CFAP20DC: variants seen among roughly 807,000 people sequenced by gnomAD.
The protein encoded by CFAP20DC is CFAP20 domain containing.
A neutral mutation model predicts 101.7 loss-of-function variants in CFAP20DC; 84 were observed. The ratio of observed to expected loss-of-function variants is 0.83; its 90% confidence interval spans 0.69 to 0.99. The LOEUF (loss-of-function observed/expected upper bound fraction) is 0.99, where lower values mean the gene tolerates loss of function less well. Ranked by LOEUF, CFAP20DC falls within the 50% of genes least tolerant of loss-of-function variation. The pLI is 0.00. For synonymous variants in CFAP20DC, 359 were observed against 351.2 expected (o/e 1.02, Z -0.25); for missense variants, 1,007 against 970.3 (o/e 1.04, Z -0.50).
chr3:58,984,905 CT>C (rs1190365461), intron 4 of CFAP20DC, among the ~76,000 whole-genome samples: 1 of 151,976 alleles, frequency 6.6e-6, no homozygotes, highest in East Asian at 1.9e-4. Context: ...ATTTTGGTTA[CT>C]TTTTTTGGGG....
intron 15 of CFAP20DC, chr3:58,794,415 C>G: frequency 2.3e-6 from 1 of 435,990 alleles, no homozygotes; most frequent in Non-Finnish European, 4.7e-6. Context: ...AGATGTTTGC[C>G]TTTTTGCCTT....
intron 15 of CFAP20DC, among the ~76,000 whole-genome samples, chr3:58,773,004 AT>A (rs2070993497): frequency 2.0e-5 from 3 of 151,148 alleles, no homozygotes; most frequent in Admixed American, 6.6e-5. Flanking sequence ...TGCTGGTTGA[AT>A]TTTTTTTACT....
intron 4 of CFAP20DC, among the ~76,000 whole-genome samples, chr3:58,944,414 C>A (rs2089062612): frequency 6.6e-6 from 1 of 152,130 alleles, no homozygotes; most frequent in Non-Finnish European, 1.5e-5. Context: ...AATTACCAGC[C>A]CATGGATATA....
intron 4 of CFAP20DC, among the ~76,000 whole-genome samples, chr3:58,955,363 G>A (rs971745663): frequency 2.0e-5 from 3 of 152,256 alleles, no homozygotes; most frequent in East Asian, 3.9e-4. Context: ...CCCCATGTTC[G>A]GTTGTGGCAG....
At position 59,049,845 on chromosome 3, in the gene CFAP20DC, C is replaced by CA. The variant is rs1392163326; in HGVS notation, c.-215dup. 5 of 615,392 alleles carry CA rather than the reference C, an allele frequency of 8.1e-6. No homozygotes were observed. In the East Asian group the frequency reaches 1.4e-4, roughly 17 times the overall value. 38.1% of individuals were successfully genotyped at this position (615,392 alleles called of 1,614,324 possible). A position where few individuals can be genotyped will look rare whatever the true frequency, so the allele number is the denominator to read the frequency against. On this transcript the variant is annotated 5_prime_UTR_variant, in exon 1 of 17. Transcript: ENST00000482387. ...CCCTCCATCAGCACCATTGCGGCTCCAGCCTCCGCGGTGCCCGGGTCTGGG... is the reference window on the plus strand; with the variant it reads ...CCCTCCATCAGCACCATTGCGGCTCCAAGCCTCCGCGGTGCCCGGGTCTGGG...
intron 4 of CFAP20DC, among the ~76,000 whole-genome samples, chr3:59,027,544 C>A (rs775693942): frequency 6.6e-6 from 1 of 152,046 alleles, no homozygotes; most frequent in Non-Finnish European, 1.5e-5. Flanking sequence ...CACAACAGTA[C>A]AAAATGTCTA....
chr3:58,918,225 T>C (rs898273959), intron 5 of CFAP20DC, among the ~76,000 whole-genome samples: 2 of 152,182 alleles, frequency 1.3e-5, no homozygotes, highest in African/African-American at 2.4e-5. Context: ...AGCCCTCTAA[T>C]TGAGGCCAAG....
At chr3:58,720,555 C>T (rs1000492562) in intron 3 of CFAP20DC, among the ~76,000 whole-genome samples, 1 of 152,190 alleles carries the variant, frequency 6.6e-6, no homozygotes, top group Non-Finnish European at 1.5e-5. Flanking sequence ...TCCTTGCCAA[C>T]AATTAAATTG....
intron 15 of CFAP20DC, among the ~76,000 whole-genome samples, chr3:58,757,385 C>A (rs147408274): frequency 2.0e-5 from 3 of 152,032 alleles, no homozygotes; most frequent in Admixed American, 2.0e-4. Flanking sequence ...TACACACACA[C>A]ACATATATAT....
chr3:58,822,707 A>G (rs1199627494), intron 14 of CFAP20DC, among the ~76,000 whole-genome samples: 1 of 152,208 alleles, frequency 6.6e-6, no homozygotes, highest in Non-Finnish European at 1.5e-5. Flanking sequence ...GCTGACACGA[A>G]CACATAGAAA....
chr3:58,806,347 C>G (rs1416922690), intron 15 of CFAP20DC, 48 bp downstream of exon 15: 9 of 1,252,710 alleles, frequency 7.2e-6, no homozygotes, highest in Non-Finnish European at 1.0e-5. Flanking sequence ...TACAATCTTC[C>G]AACTAAGTTT....
At chr3:58,815,361 G>C (rs1403246499) in intron 14 of CFAP20DC, among the ~76,000 whole-genome samples, 2 of 147,238 alleles carry the variant, frequency 1.4e-5, no homozygotes, top group Non-Finnish European at 3.0e-5. Context: ...ATCAATTCAA[G>C]ATGGATTAAA....
chr3:58,891,384 C>T (rs1452170104), intron 6 of CFAP20DC, among the ~76,000 whole-genome samples: 1 of 150,264 alleles, frequency 6.7e-6, no homozygotes, highest in African/African-American at 2.5e-5. Context: ...GCTTCGGCTC[C>T]GCATGAGAGG....
At chr3:58,962,571 G>C (rs934666902) in intron 4 of CFAP20DC, among the ~76,000 whole-genome samples, 1 of 152,146 alleles carries the variant, frequency 6.6e-6, no homozygotes, top group Non-Finnish European at 1.5e-5. Context: ...GGTCACTGCT[G>C]TGTTAGCATT....
intron 14 of CFAP20DC, among the ~76,000 whole-genome samples, chr3:58,821,119 C>CT (rs1210328574): frequency 6.6e-6 from 1 of 151,836 alleles, no homozygotes; most frequent in Admixed American, 6.6e-5. Context: ...GGATCCCTTC[C>CT]TTACACCTTA....
chr3:59,033,333 T>G (rs1462354640), intron 4 of CFAP20DC, among the ~76,000 whole-genome samples: 5 of 151,886 alleles, frequency 3.3e-5, no homozygotes, highest in African/African-American at 4.8e-5. Flanking sequence ...GGAATAAAAC[T>G]GGATGGAGAA....
At position 58,732,003 on chromosome 3, in the gene CFAP20DC, A is replaced by AAC. The variant is rs1278843280; in HGVS notation, c.198-14377_198-14376dup. Reference sequence around the variant, plus strand: ...AGTTTCTTAATTTGTAAAGTAGATGAACACAGTTGCGAGGATTAAATGAGA... The same window carrying AAC: ...AGTTTCTTAATTTGTAAAGTAGATGAACACACAGTTGCGAGGATTAAATGAGA... On this transcript the variant is annotated intron_variant, in intron 3 of 3. Coordinates refer to the CFAP20DC transcript ENST00000486145. This position sits in a 1 kb window ranked among gnomAD's most constrained non-coding sequence, Gnocchi z 5.4. Among the ~76,000 whole-genome samples the AAC allele has an allele frequency of 2.4e-4, 36 of 152,218 alleles. No individual in the cohort carries two copies. Among genetic ancestry groups the AAC allele is most frequent in the Admixed American group, 6.5e-5 (1 of 15,284 alleles).
At chr3:58,852,071 T>G (rs914179114) in intron 12 of CFAP20DC, among the ~76,000 whole-genome samples, 3 of 152,276 alleles carry the variant, frequency 2.0e-5, no homozygotes, top group South Asian at 2.1e-4. Flanking sequence ...CCATGACCTT[T>G]GCTGCTGACT....
At chr3:58,834,618 A>G (rs974788774) in intron 13 of CFAP20DC, among the ~76,000 whole-genome samples, 8 of 152,168 alleles carry the variant, frequency 5.3e-5, no homozygotes, top group Middle Eastern at 3.2e-3. Context: ...ACCACTTACC[A>G]GCTTTAAATG....
Sources: allele counts gnomAD v4.1 joint callset (sites outside exome capture counted in the v4.1 genomes callset), GRCh38; gene constraint gnomAD v4.1.1; non-coding constraint Gnocchi (gnomAD v3.1); transcripts MANE v1.5; gene names NCBI Gene and HGNC (gene_info 2026-07-23, HGNC 2026-07-21).